The following ERCC6L2 variants were observed in gnomAD, a reference collection of about 807,000 sequenced individuals.
The protein encoded by ERCC6L2 is ERCC excision repair 6 like 2, also known as DNA excision repair protein ERCC-6-like 2.
Under a neutral mutation model 132.0 loss-of-function variants are expected in ERCC6L2, and 77 were observed. The ratio of observed to expected loss-of-function variants is 0.58; its 90% confidence interval spans 0.49 to 0.71. The LOEUF is 0.71. Ranked by LOEUF, ERCC6L2 falls within the 30% of genes least tolerant of loss-of-function variation. The probability of loss-of-function intolerance (pLI) is 0.00; values close to 1 mark genes in which losing one functional copy is unlikely to be tolerated. For missense variants in ERCC6L2, 1,542 were observed against 1,837.6 expected, an observed-to-expected ratio of 0.84 and a Z score of 2.94; for synonymous variants, 583 against 632.4, an observed-to-expected ratio of 0.92 and a Z score of 1.17.
At position 95,972,224 on chromosome 9, in the gene ERCC6L2, A is replaced by G; in HGVS notation, c.2473A>G (p.Thr825Ala). The change falls in exon 16 of 19, where the codon ACA becomes GCA. Residue 825 changes from threonine (T) to alanine (A), a missense_variant. Thr to Ala is a moderately conservative substitution (Grantham distance 58, BLOSUM62 0). Transcript: ENST00000653738. ...SDDESSDEQPTCLSTEAKDAG... is the reference protein window; with the variant it reads ...SDDESSDEQPACLSTEAKDAG... ...TGATGAAAGTTCTGATGAGCAGCCCACATGCCTTTCAACAGAAGCCAAAGA... is the reference window on the plus strand; with the variant it reads ...TGATGAAAGTTCTGATGAGCAGCCCGCATGCCTTTCAACAGAAGCCAAAGA... 7.7e-7 allele frequency: 1 copy of G among 1,304,278 alleles called. No homozygotes were observed. The highest frequency in any genetic ancestry group is 1.0e-6 in the Non-Finnish European group (1 of 988,936). 80.8% of individuals were successfully genotyped at this position (1,304,278 alleles called of 1,614,324 possible). A position where few individuals can be genotyped will look rare whatever the true frequency, so the allele number is the denominator to read the frequency against.
intron 17 of ERCC6L2, among the ~76,000 whole-genome samples, chr9:95,979,748 G>A (rs180706268): frequency 6.6e-6 from 1 of 152,090 alleles, no homozygotes; most frequent in Non-Finnish European, 1.5e-5. Flanking sequence ...ACTTTAAACA[G>A]CATTTCTACA....
At chr9:95,877,354 A>T (rs1446162021) in intron 1 of ERCC6L2, among the ~76,000 whole-genome samples, 3 of 148,342 alleles carry the variant, frequency 2.0e-5, no homozygotes, top group Non-Finnish European at 3.0e-5. Flanking sequence ...TTTTTTTTGC[A>T]CATGCTGTAC....
intron 18 of ERCC6L2, among the ~76,000 whole-genome samples, chr9:96,010,587 C>G (rs1371348675): frequency 1.3e-5 from 2 of 152,188 alleles, no homozygotes; most frequent in Non-Finnish European, 2.9e-5. Context: ...CATGCACCCT[C>G]TCCCCCTGGG....
At chr9:96,002,029 GC>G (rs1833702367) in intron 17 of ERCC6L2, among the ~76,000 whole-genome samples, 2 of 152,230 alleles carry the variant, frequency 1.3e-5, no homozygotes, top group Non-Finnish European at 1.5e-5. Context: ...GGCGCACCAA[GC>G]CCACGCCCAC....
chr9:95,971,932 G>A lies in ERCC6L2; in HGVS notation c.2182-1G>A. On this transcript the variant is annotated splice_acceptor_variant, in intron 15 of 18. Coordinates refer to ENST00000653738, the MANE Select transcript of ERCC6L2 (RefSeq NM_020207.7). LOFTEE classifies it high-confidence loss of function. ...TGTTTTTGTCATTGTTTCTCCTATA[G>A]CCTAGACAGCCTGACTGTCAGGAAT... 14 of 1,292,660 alleles carry A rather than the reference G, an allele frequency of 1.1e-5. No homozygotes were observed. Among genetic ancestry groups the A allele is most frequent in the Non-Finnish European group, 1.4e-5 (14 of 982,248 alleles). The allele number at this position is 1,292,660 out of a possible 1,614,324, so 80.1% of individuals were successfully genotyped here.
At chr9:96,001,280 C>G (rs1275079621) in intron 17 of ERCC6L2, among the ~76,000 whole-genome samples, 2 of 152,156 alleles carry the variant, frequency 1.3e-5, no homozygotes, top group African/African-American at 2.4e-5. Context: ...AATGCTGGCT[C>G]GGGCAGCCTG....
chr9:95,907,001 A>G, intron 3 of ERCC6L2, 77 bp from the exon 4 acceptor site: 3 of 956,864 alleles, frequency 3.1e-6, no homozygotes, highest in Non-Finnish European at 4.8e-6. Context: ...GACTATTGAT[A>G]TTGATATTGT....
intron 15 of ERCC6L2, chr9:95,971,548 A>T (rs1008514361): frequency 1.9e-5 from 3 of 154,578 alleles, no homozygotes; most frequent in African/African-American, 7.2e-5. Context: ...TTAAAGCGTG[A>T]TTGGAAGCAT....
chr9:96,009,957 T>G (rs1833975777), intron 18 of ERCC6L2, among the ~76,000 whole-genome samples: 1 of 152,122 alleles, frequency 6.6e-6, no homozygotes, highest in South Asian at 2.1e-4. Context: ...CTTGGATAAA[T>G]AAAAGACATC....
chr9:95,928,816 A>G lies in ERCC6L2; in HGVS notation c.1703A>G (p.Lys568Arg). ...TCAGAGGAAAGACTCAAGATTGTAAAAGAGTTCAACAGTACACAAGATGTT... is the reference window on the plus strand; with the variant it reads ...TCAGAGGAAAGACTCAAGATTGTAAGAGAGTTCAACAGTACACAAGATGTT... ...TKSEERLKIVKEFNSTQDVNI... is the reference protein window; with the variant it reads ...TKSEERLKIVREFNSTQDVNI... The change falls in exon 11 of 19, where the codon AAA becomes AGA. Residue 568 changes from lysine to arginine, a missense_variant. Coordinates refer to ENST00000653738, the MANE Select transcript of ERCC6L2 (RefSeq NM_020207.7). The G allele has an allele frequency of 1.9e-6, 3 of 1,612,818 alleles. No homozygotes were observed. Among genetic ancestry groups the G allele is most frequent in the East Asian group, 2.2e-5 (1 of 44,764 alleles).
chr9:95,929,703 A>T (rs939631983), intron 11 of ERCC6L2, among the ~76,000 whole-genome samples: 2 of 152,222 alleles, frequency 1.3e-5, no homozygotes, highest in South Asian at 4.1e-4. Flanking sequence ...TTGGATTCCC[A>T]TTTTCCTATA....
chr9:95,951,764 A>T (rs1831342467), intron 12 of ERCC6L2, among the ~76,000 whole-genome samples: 1 of 152,208 alleles, frequency 6.6e-6, no homozygotes, highest in African/African-American at 2.4e-5. Flanking sequence ...AGAAACCTGA[A>T]TATAACTATA....
At chr9:95,954,395 A>G (rs529331276) in intron 12 of ERCC6L2, among the ~76,000 whole-genome samples, 1 of 152,316 alleles carries the variant, frequency 6.6e-6, no homozygotes, top group Non-Finnish European at 1.5e-5. Flanking sequence ...AGTTCACAAT[A>G]AAACTGAATA....
intron 18 of ERCC6L2, 155 bp downstream of exon 18, chr9:96,004,856 G>C (rs768199864): frequency 5.4e-5 from 23 of 428,220 alleles, no homozygotes; most frequent in Non-Finnish European, 9.0e-5. Context: ...AAATGTTTTA[G>C]ATGTTGTTAG....
exon 20 of ERCC6L2, chr9:96,039,066 A>G (rs1326745815): frequency 2.6e-6 from 1 of 389,404 alleles, no homozygotes; most frequent in Non-Finnish European, 5.1e-6. Context: ...CCTGGCTGAC[A>G]TCTTCACTGC....
chr9:95,977,333 G>C (rs1389258830), intron 16 of ERCC6L2, among the ~76,000 whole-genome samples: 1 of 152,142 alleles, frequency 6.6e-6, no homozygotes, highest in Non-Finnish European at 1.5e-5. Flanking sequence ...AGAGGTTCAG[G>C]ACTAAAACAG....
At chr9:95,908,713 G>A (rs1488893841) in intron 4 of ERCC6L2, among the ~76,000 whole-genome samples, 1 of 151,992 alleles carries the variant, frequency 6.6e-6, no homozygotes, top group Admixed American at 6.6e-5. Context: ...ATACCTTTTA[G>A]GTGAAGATTA....
At chr9:96,007,861 G>A (rs962327756) in intron 18 of ERCC6L2, among the ~76,000 whole-genome samples, 1 of 152,186 alleles carries the variant, frequency 6.6e-6, no homozygotes, top group Non-Finnish European at 1.5e-5. Context: ...GCTTCTGGGG[G>A]CAGTGGGAAA....
At chr9:95,959,144 A>G (rs1056447992) in intron 13 of ERCC6L2, among the ~76,000 whole-genome samples, 5 of 151,864 alleles carry the variant, frequency 3.3e-5, no homozygotes, top group African/African-American at 9.7e-5. Flanking sequence ...ACAAGGCTAC[A>G]GTAACCAAAA....
Sources: allele counts gnomAD v4.1 joint callset (sites outside exome capture counted in the v4.1 genomes callset), GRCh38; gene constraint gnomAD v4.1.1; transcripts MANE v1.5; gene names NCBI Gene and HGNC (gene_info 2026-07-23, HGNC 2026-07-21).